Variants in MACIR observed in about 807,000 individuals in gnomAD.
MACIR encodes UNC119-binding protein C5orf30.
A neutral mutation model predicts 14.3 loss-of-function variants in MACIR; 4 were observed. That is an observed-to-expected ratio of 0.28 (90% CI 0.14 to 0.64). MACIR has a LOEUF of 0.64. MACIR is among the 30% of genes least tolerant of loss of function. The pLI is 0.83. For synonymous variants in MACIR, 101 were observed against 102.4 expected (o/e 0.99, Z 0.08); for missense variants, 228 against 257.6 (o/e 0.89, Z 0.79).
intron 1 of MACIR, among the ~76,000 whole-genome samples, chr5:103,262,198 CTT>C (rs373782533): frequency 5.1e-4 from 77 of 152,204 alleles, no homozygotes; most frequent in African/African-American, 1.7e-3. Flanking sequence ...CAGGCCATCT[CTT>C]TATATGTGCA....
chr5:103,259,838 T>G (rs542187822), intron 1 of MACIR: 1 of 152,228 alleles, frequency 6.6e-6, no homozygotes, highest in African/African-American at 2.4e-5. Context: ...CAGTCAGACC[T>G]CCAGCAACGC....
chr5:103,267,916 C>A lies in MACIR; in HGVS notation c.-24+1919C>A, dbSNP rs561134379. Among the ~76,000 whole-genome samples, 27 of 152,156 alleles carry A rather than the reference C, an allele frequency of 1.8e-4. No homozygotes were observed. In the South Asian group the frequency reaches 2.1e-3, roughly 12 times the overall value. ...AGGCCTTGGCAATTAATGATTGATT[C>A]TGGCAAATAGTTTTGCCTTTTCCAG... On this transcript the variant is annotated intron_variant, in intron 2 of 2. Transcript: ENST00000319933.
At chr5:103,267,906 A>T (rs1554236861) in intron 2 of MACIR, among the ~76,000 whole-genome samples, 1 of 152,080 alleles carries the variant, frequency 6.6e-6, no homozygotes, top group Non-Finnish European at 1.5e-5. Flanking sequence ...TTGGCAATTA[A>T]TGATTGATTC....
intron 2 of MACIR, among the ~76,000 whole-genome samples, chr5:103,266,244 C>T (rs1265805378): frequency 6.6e-6 from 1 of 152,010 alleles, no homozygotes; most frequent in Non-Finnish European, 1.5e-5. Flanking sequence ...AGTTTTCCTT[C>T]CTTTAAATTT....
rs781799416 is a variant in MACIR at position 103,276,210 on chromosome 5, T to G, written c.291T>G (p.Asp97Glu). The G allele has an allele frequency of 6.2e-7, 1 of 1,613,672 alleles. No homozygotes were observed. The highest frequency in any genetic ancestry group is 1.1e-5 in the South Asian group (1 of 91,042). The stretch of plus-strand genomic sequence containing the variant: ...CATCCTTACGCTCCAAACAGCTAGA[T>G]GCAGGACTTGCCCGTTCCTCTCGTT... The part of the protein sequence containing the change: ...AMPSLRSKQL[D>E]AGLARSSRLY... The change falls in exon 3 of 3, where the codon GAT (aspartate) becomes GAG (glutamate). Residue 97 changes from aspartate to glutamate, a missense_variant. Physicochemically the swap from Asp to Glu is conservative, Grantham distance 45. Coordinates refer to ENST00000319933, the MANE Select transcript of MACIR (RefSeq NM_033211.4).
rs1244972043 is a variant in MACIR at position 103,258,779 on chromosome 5, C to G, written c.-231C>G. 3 of 152,574 alleles carry G rather than the reference C, an allele frequency of 2.0e-5. No individual in the cohort carries two copies. Among genetic ancestry groups the G allele is most frequent in the East Asian group, 1.9e-4 (1 of 5,180 alleles). The allele number at this position is 152,574 out of a possible 1,614,324, so 9.5% of individuals were successfully genotyped here. ...CGGTGGGAGAGGAGAGGGTACCCGG[C>G]TGGCTCGGCTGGCGGCCTCTGCCTG... is the stretch of plus-strand genomic sequence containing the variant. On this transcript the variant is annotated 5_prime_UTR_variant, in exon 1 of 3. Coordinates refer to ENST00000319933, the MANE Select transcript of MACIR (RefSeq NM_033211.4).
chr5:103,261,958 A>C (rs944250766), intron 1 of MACIR, among the ~76,000 whole-genome samples: 20 of 151,958 alleles, frequency 1.3e-4, no homozygotes, highest in African/African-American at 4.8e-4. Context: ...ATTTGTGATC[A>C]ATGTTGTTAA....
chr5:103,261,656 T>C (rs1277310362), intron 1 of MACIR, among the ~76,000 whole-genome samples: 2 of 110,084 alleles, frequency 1.8e-5, no homozygotes, highest in Non-Finnish European at 3.7e-5. Flanking sequence ...CTTTCTTTCT[T>C]TCTTTCTTTC....
intron 1 of MACIR, among the ~76,000 whole-genome samples, chr5:103,260,055 GTGTGTGTGTGTGTGTGTGTGTT>G (rs1368189593): frequency 5.8e-5 from 5 of 85,768 alleles, no homozygotes; most frequent in Non-Finnish European, 9.5e-5. Flanking sequence ...ATTTCCGTGT[GTGTGTGTGTGTGTGTGTGTGTT>G]TGTGTGTGTG....
At chr5:103,275,847 C>T in intron 2 of MACIR, 50 bp from the exon 3 acceptor site, 1 of 1,511,900 alleles carries the variant, frequency 6.6e-7, no homozygotes, top group Non-Finnish European at 8.9e-7. Context: ...CTGGCCTGGC[C>T]CAAGTCTCTG....
intron 1 of MACIR, 119 bp from the exon 2 acceptor site, chr5:103,265,789 C>G (rs1392511156): frequency 6.6e-6 from 1 of 152,032 alleles, no homozygotes; most frequent in Non-Finnish European, 1.5e-5. Flanking sequence ...CCTATATAAC[C>G]TATACTTGAT....
rs782511210 is a variant in MACIR, at chr5:103,276,386, G to A, written c.467G>A (p.Cys156Tyr). The A allele has an allele frequency of 1.2e-5, 19 of 1,613,720 alleles. No homozygotes were observed. Among genetic ancestry groups the A allele is most frequent in the Non-Finnish European group, 1.6e-5 (19 of 1,179,970 alleles). ...GCCCTCCATGGGCCTCTGCCTCTTT[G>A]TCTTCTTAAAGGTAAGAGGGCTCAC... The part of the protein sequence containing the change: ...YKALHGPLPL[C>Y]LLKGKRAHSK... The change falls in exon 3 of 3, where the codon TGT (cysteine) becomes TAT (tyrosine). Residue 156 changes from cysteine to tyrosine, a missense_variant. Physicochemically the swap from Cys to Tyr is radical, Grantham distance 194. Transcript: ENST00000319933.
At position 103,261,564 on chromosome 5, in the gene MACIR, GT is replaced by G. The variant is rs1371631059; in HGVS notation, c.-114+2676del. On this transcript the variant is annotated intron_variant, in intron 1 of 2. Coordinates refer to ENST00000319933, the MANE Select transcript of MACIR (RefSeq NM_033211.4). The stretch of plus-strand genomic sequence containing the variant: ...TTTGAAAGAATTTTTAAAAATTGAT[GT>G]TTTTTTTCCAAGTGCTTTTCCATTA... 2.0e-5 allele frequency among the ~76,000 whole-genome samples: 3 copies of G among 151,518 alleles called. No individual in the cohort carries two copies. The East Asian group carries it at 5.8e-4, about 29-fold the overall frequency.
At chr5:103,269,721 TTTCTTGACTGTTC>T (rs1429733055) in intron 2 of MACIR, among the ~76,000 whole-genome samples, 2 of 152,186 alleles carry the variant, frequency 1.3e-5, no homozygotes, top group Admixed American at 1.3e-4. Flanking sequence ...ACAGGTCTAC[TTTCTTGACTGTTC>T]TTCTTGGTGC....
chr5:103,258,509 C>A (rs1337513137), upstream of MACIR, among the ~76,000 whole-genome samples: 1 of 152,020 alleles, frequency 6.6e-6, no homozygotes, highest in African/African-American at 2.4e-5. Flanking sequence ...TCCTCCTCCC[C>A]ACCACCAGTC....
At chr5:103,273,080 C>A (rs1805194472) in intron 2 of MACIR, among the ~76,000 whole-genome samples, 1 of 152,180 alleles carries the variant, frequency 6.6e-6, no homozygotes, top group Admixed American at 6.5e-5. Flanking sequence ...TTTGCATTGG[C>A]TTTAGTTGCT....
chr5:103,266,286 T>C (rs1437668341), intron 2 of MACIR, among the ~76,000 whole-genome samples: 1 of 152,158 alleles, frequency 6.6e-6, no homozygotes, highest in Non-Finnish European at 1.5e-5. Context: ...AAATAATATT[T>C]CAAAGTATAG....
intron 2 of MACIR, among the ~76,000 whole-genome samples, chr5:103,271,342 C>G (rs2149930636): frequency 6.6e-6 from 1 of 152,196 alleles, no homozygotes; most frequent in Non-Finnish European, 1.5e-5. Context: ...TTTGGCCTCT[C>G]AGAGAGTATT....
chr5:103,273,776 A>G (rs890687226), intron 2 of MACIR, among the ~76,000 whole-genome samples: 1 of 152,168 alleles, frequency 6.6e-6, no homozygotes, highest in Non-Finnish European at 1.5e-5. Context: ...TTATTACCCA[A>G]TTTGGAATGT....
Sources: allele counts gnomAD v4.1 joint callset (sites outside exome capture counted in the v4.1 genomes callset), GRCh38; gene constraint gnomAD v4.1.1; transcripts MANE v1.5; gene names NCBI Gene and HGNC (gene_info 2026-07-23, HGNC 2026-07-21).